EFCAB13: variants seen among roughly 807,000 people sequenced by gnomAD.
EFCAB13 encodes the protein EF-hand calcium binding domain 13, also known as EF-hand calcium-binding domain-containing protein 13.
In EFCAB13, 91 loss-of-function variants were observed where a neutral mutation model predicts 110.2. The ratio of observed to expected loss-of-function variants is 0.83; its 90% CI spans 0.70 to 0.98. EFCAB13 has a LOEUF of 0.98. EFCAB13 is among the 50% of genes least tolerant of loss of function. The pLI is 0.00. For synonymous variants in EFCAB13, 323 were observed against 369.9 expected (o/e 0.87, Z 1.45); for missense variants, 968 against 1,119.4 (o/e 0.86, Z 1.93).
At chr17:47,426,609 CTT>C (rs1188313882) in intron 23 of EFCAB13, among the ~76,000 whole-genome samples, 1 of 151,992 alleles carries the variant, frequency 6.6e-6, no homozygotes, top group Non-Finnish European at 1.5e-5. Flanking sequence ...CTATTTTAAT[CTT>C]TATATTTAAC....
chr17:47,426,892 C>T (rs1300187198), intron 23 of EFCAB13, among the ~76,000 whole-genome samples: 1 of 151,884 alleles, frequency 6.6e-6, no homozygotes, highest in African/African-American at 2.4e-5. Context: ...AATTTTTTGC[C>T]TTAAATATTT....
chr17:47,371,395 T>C (rs1017076005), intron 11 of EFCAB13, among the ~76,000 whole-genome samples: 3 of 152,326 alleles, frequency 2.0e-5, no homozygotes, highest in East Asian at 3.9e-4. Context: ...CTTGAGTTGT[T>C]TTTTGTATAT....
chr17:47,436,811 T>G (rs947806798), intron 24 of EFCAB13, among the ~76,000 whole-genome samples: 10 of 151,966 alleles, frequency 6.6e-5, no homozygotes, highest in South Asian at 2.1e-4. Context: ...TCTGCTGGGT[T>G]TGGGTTTGGT....
At chr17:47,432,455 G>A (rs1905136807) in intron 24 of EFCAB13, among the ~76,000 whole-genome samples, 1 of 147,138 alleles carries the variant, frequency 6.8e-6, no homozygotes, top group Non-Finnish European at 1.5e-5. Flanking sequence ...AGCTCGGTGT[G>A]ATAGCGTGAG....
At chr17:47,378,964 C>A (rs1415503936) in intron 13 of EFCAB13, among the ~76,000 whole-genome samples, 2 of 152,018 alleles carry the variant, frequency 1.3e-5, no homozygotes, top group Non-Finnish European at 2.9e-5. Context: ...TTTTTGTATT[C>A]TCGGTGCCTA....
rs774234133 is a variant in EFCAB13 at position 47,328,330 on chromosome 17, C to T, written c.-24C>T. On this transcript the variant is annotated 5_prime_UTR_variant, in exon 4 of 25. Transcript: ENST00000331493. Reference sequence around the variant, plus strand: ...CATCAAAGCCTGGAGTCCTTAAGGACAGAATTTACCTCTAAACAGAAAGAT... The same window carrying T: ...CATCAAAGCCTGGAGTCCTTAAGGATAGAATTTACCTCTAAACAGAAAGAT... The T allele has an allele frequency of 6.2e-7, 1 of 1,604,258 alleles. No individual in the cohort carries two copies. The highest frequency in any genetic ancestry group is 1.7e-5 in the Admixed American group (1 of 59,788).
intron 15 of EFCAB13, among the ~76,000 whole-genome samples, chr17:47,392,740 C>T (rs1348573716): frequency 6.6e-6 from 1 of 152,012 alleles, no homozygotes; most frequent in East Asian, 1.9e-4. Flanking sequence ...CAATAATTTC[C>T]AGGTGTGAGA....
intron 18 of EFCAB13, among the ~76,000 whole-genome samples, chr17:47,403,212 A>G (rs551462841): frequency 4.6e-5 from 7 of 152,220 alleles, no homozygotes; most frequent in Non-Finnish European, 8.8e-5. Context: ...TATTCTATAA[A>G]TATGACATTT....
At position 47,338,570 on chromosome 17, in the gene EFCAB13, A is replaced by T. The variant is rs1418606479; in HGVS notation, c.191+3214A>T. ...TGGTTTACTACTAGTTTTTTTTTTT[A>T]AATAAATAAGTTAGAATAGAATTGA... is the stretch of plus-strand genomic sequence containing the variant. On this transcript the variant is annotated intron_variant, in intron 5 of 24. Transcript: ENST00000331493. Among the ~76,000 whole-genome samples the T allele has an allele frequency of 5.5e-4, 82 of 148,784 alleles. 1 individual carries two copies. The highest frequency in any genetic ancestry group is 1.5e-3 in the African/African-American group (60 of 40,606).
At chr17:47,337,024 C>G (rs2065355328) in intron 5 of EFCAB13, among the ~76,000 whole-genome samples, 1 of 152,204 alleles carries the variant, frequency 6.6e-6, no homozygotes, top group South Asian at 2.1e-4. Context: ...AAAATCTCCT[C>G]TACCTTCCAG....
chr17:47,412,637 G>A, intron 21 of EFCAB13, 136 bp from the exon 22 acceptor site: 2 of 905,420 alleles, frequency 2.2e-6, no homozygotes, highest in Non-Finnish European at 3.2e-6. Context: ...GTTACAAATA[G>A]AAAATATTGT....
chr17:47,423,670 G>C (rs1288425692), intron 23 of EFCAB13: 2 of 433,868 alleles, frequency 4.6e-6, no homozygotes, highest in Non-Finnish European at 7.5e-6. Flanking sequence ...GGCGCGCGGG[G>C]TCCGCACGAC....
Position 47,335,208 on chromosome 17 carries a change from A to G in EFCAB13, c.43A>G (p.Ile15Val). Residue 15 changes from isoleucine (I) to valine (V), a missense_variant, in exon 5 of 25, where the codon ATT (isoleucine) becomes GTT (valine). By Grantham distance (29) the Ile-to-Val change is conservative. Coordinates refer to ENST00000331493, the MANE Select transcript of EFCAB13 (RefSeq NM_152347.5). Reference protein sequence around the residue: ...VHLFCQAEENIDLLDDGSNSF... With the variant: ...VHLFCQAEENVDLLDDGSNSF... ...TTATATTCCCCAGGCAGAGGAAAAT[A>G]TTGACTTATTAGATGATGGCTCTAA... is the stretch of plus-strand genomic sequence containing the variant. The G allele has an allele frequency of 6.2e-7, 1 of 1,601,728 alleles. No individual in the cohort carries two copies. The highest frequency in any genetic ancestry group is 8.5e-7 in the Non-Finnish European group (1 of 1,176,300).
intron 4 of EFCAB13, among the ~76,000 whole-genome samples, chr17:47,334,773 C>T (rs976274531): frequency 6.6e-6 from 1 of 151,892 alleles, no homozygotes; most frequent in Non-Finnish European, 1.5e-5. Flanking sequence ...AAATTAGCCA[C>T]GCATGATGGT....
rs762552615 is a variant in EFCAB13, at chr17:47,404,541, ATC to A, written c.2162-13_2162-12del. On this transcript the variant is annotated intron_variant, in intron 19 of 24. Transcript: ENST00000331493. ...CTTTGTCTAGGGGTTCTTGTTTGTC[ATC>A]TCTCTCTTTTCCTTGCAGAAGATAA... 1.2e-6 allele frequency: 2 copies of A among 1,602,520 alleles called. No individual in the cohort carries two copies. Among genetic ancestry groups the A allele is most frequent in the Non-Finnish European group, 1.7e-6 (2 of 1,172,316 alleles).
chr17:47,400,958 A>C (rs953448306), intron 17 of EFCAB13, among the ~76,000 whole-genome samples: 1 of 152,162 alleles, frequency 6.6e-6, no homozygotes, highest in African/African-American at 2.4e-5. Flanking sequence ...GAGTATTATA[A>C]AAGTATAAAA....
At chr17:47,382,609 G>C (rs2065653055) in intron 14 of EFCAB13, among the ~76,000 whole-genome samples, 2 of 152,022 alleles carry the variant, frequency 1.3e-5, no homozygotes, top group East Asian at 3.9e-4. Context: ...CATCTATTGA[G>C]ATAATCATGT....
At chr17:47,395,313 A>G (rs944305404) in intron 16 of EFCAB13, among the ~76,000 whole-genome samples, 13 of 152,182 alleles carry the variant, frequency 8.5e-5, no homozygotes, top group Non-Finnish European at 1.9e-4. Flanking sequence ...TAACTGTCTA[A>G]TCTTCCTGAG....
rs368591213 is a variant in EFCAB13, at chr17:47,332,331, TGTA to T, written c.31-2861_31-2859del. 1.5e-4 allele frequency among the ~76,000 whole-genome samples: 23 copies of T among 152,204 alleles called. 1 individual carries two copies. The highest frequency in any genetic ancestry group is 5.1e-4 in the African/African-American group (21 of 41,456). Reference sequence around the variant, plus strand: ...AATTGTGTGTATTTTGGGGGCATAATGTAGTATTTTGATCTATGTATACATTAT... The same window carrying T: ...AATTGTGTGTATTTTGGGGGCATAATGTATTTTGATCTATGTATACATTAT... On this transcript the variant is annotated intron_variant, in intron 4 of 24. Coordinates refer to ENST00000331493, the MANE Select transcript of EFCAB13 (RefSeq NM_152347.5).
Sources: allele counts gnomAD v4.1 joint callset (sites outside exome capture counted in the v4.1 genomes callset), GRCh38; gene constraint gnomAD v4.1.1; transcripts MANE v1.5; gene names NCBI Gene and HGNC (gene_info 2026-07-23, HGNC 2026-07-21).